The following SV2B variants were observed in gnomAD, a reference collection of about 807,000 sequenced individuals.
The protein encoded by SV2B is solute carrier family 22 member B2.
Under a neutral mutation model 73.9 loss-of-function variants are expected in SV2B, and 41 were observed. The observed-to-expected ratio is 0.56, with a 90% CI of 0.43 to 0.72. SV2B has a LOEUF of 0.72. Among genes scored for constraint, SV2B ranks in the 30% least tolerant of loss-of-function variants. The pLI, the probability that SV2B is intolerant of heterozygous loss-of-function variation, is 0.00. For missense variants in SV2B, 764 were observed against 857.8 expected, an observed-to-expected ratio of 0.89 and a Z score of 1.37; for synonymous variants, 314 against 314.2, an observed-to-expected ratio of 1.00 and a Z score of 0.01.
chr15:91,156,888 G>A (rs1169499494), intron 1 of SV2B, among the ~76,000 whole-genome samples: 1 of 152,182 alleles, frequency 6.6e-6, no homozygotes, highest in Non-Finnish European at 1.5e-5. Flanking sequence ...TTTGTGGGCT[G>A]CTAATTGCAA....
Position 91,239,731 on chromosome 15 carries a change from C to T in SV2B, c.452-12088C>T, listed in dbSNP as rs759681569. Among the ~76,000 whole-genome samples the T allele has an allele frequency of 1.2e-4, 19 of 152,160 alleles. No individual in the cohort carries two copies. The highest frequency in any genetic ancestry group is 2.1e-4 in the Non-Finnish European group (14 of 68,022). On this transcript the variant is annotated intron_variant, in intron 2 of 12. Coordinates refer to ENST00000394232, the MANE Select transcript of SV2B (RefSeq NM_001323032.3). The surrounding 1 kb of genome is among the most constrained non-coding windows in gnomAD (Gnocchi z 5.1). The stretch of plus-strand genomic sequence containing the variant: ...TGCATTTGGCTTCTGGTAACAATAG[C>T]TTTGAATCATAAAGATACTCATTAT...
At chr15:91,256,054 C>T (rs907460308) in intron 4 of SV2B, among the ~76,000 whole-genome samples, 1 of 151,932 alleles carries the variant, frequency 6.6e-6, no homozygotes, top group African/African-American at 2.4e-5. Context: ...AAGAAAATTA[C>T]AAAGCTCAGA....
chr15:91,146,634 G>A (rs185677008), intron 1 of SV2B, among the ~76,000 whole-genome samples: 612 of 152,242 alleles, frequency 4.0e-3, no homozygotes, highest in Non-Finnish European at 6.7e-3. Context: ...AGTAGTATTT[G>A]TAGTTTTCCT....
intron 1 of SV2B, among the ~76,000 whole-genome samples, chr15:91,195,200 C>T (rs2045201346): frequency 6.6e-6 from 1 of 152,164 alleles, no homozygotes; most frequent in African/African-American, 2.4e-5. Flanking sequence ...CTCTGTTACC[C>T]AGGCTGGGGT....
chr15:91,142,188 C>T (rs1158701869), intron 1 of SV2B, among the ~76,000 whole-genome samples: 1 of 152,172 alleles, frequency 6.6e-6, no homozygotes, highest in Non-Finnish European at 1.5e-5. Flanking sequence ...GTTGCGTGCC[C>T]ACAGCCTTGC....
chr15:91,117,256 A>G (rs2042206817), intron 1 of SV2B, among the ~76,000 whole-genome samples: 1 of 152,188 alleles, frequency 6.6e-6, no homozygotes, highest in African/African-American at 2.4e-5. Context: ...TCTGCACCTC[A>G]GTTTCCTAAC....
At chr15:91,235,014 G>T (rs2046724831) in intron 2 of SV2B, among the ~76,000 whole-genome samples, 2 of 152,186 alleles carry the variant, frequency 1.3e-5, no homozygotes, top group South Asian at 4.1e-4. Context: ...AGCTTGTTCT[G>T]TGGTTTTCCC....
At chr15:91,159,665 A>G (rs2141245303) in intron 1 of SV2B, among the ~76,000 whole-genome samples, 1 of 152,354 alleles carries the variant, frequency 6.6e-6, no homozygotes, top group East Asian at 1.9e-4. Context: ...ACTTGTTATC[A>G]TGGCATCATT....
In SV2B at chr15:91,234,194, A is replaced by C. The variant is rs2046692583; in HGVS notation, c.451+7480A>C. On this transcript the variant is annotated intron_variant, in intron 2 of 12. Transcript: ENST00000394232. This position sits in a 1 kb window ranked among gnomAD's most constrained non-coding sequence, Gnocchi z 5.6. ...GATTGAAAGGCCTAGGAATATTTGC[A>C]TGTTAGAGCGGATTTTTCATTTCAG... is the stretch of plus-strand genomic sequence containing the variant. 1.3e-5 allele frequency among the ~76,000 whole-genome samples: 2 copies of C among 152,218 alleles called. No individual in the cohort carries two copies. The highest frequency in any genetic ancestry group is 1.3e-4 in the Admixed American group (2 of 15,282).
intron 1 of SV2B, among the ~76,000 whole-genome samples, chr15:91,120,569 TTTGGGAGGCTGAGGCAGGCA>T: frequency 6.6e-6 from 1 of 151,932 alleles, no homozygotes; most frequent in East Asian, 1.9e-4. Flanking sequence ...ATCTCAGCAG[TTTGGGAGGCTGAGGCAGGCA>T]GATCCCTTGA....
rs2047790287 is a variant in SV2B at position 91,258,616 on chromosome 15, C to T, written c.918+62C>T. ...AAACAGCCACAGGAACCCAGCCTCG[C>T]TTCCTTCTCTCAGCTCCTAGTCCCA... On this transcript the variant is annotated intron_variant, in intron 5 of 12. Coordinates refer to ENST00000394232, the MANE Select transcript of SV2B (RefSeq NM_001323032.3). The surrounding 1 kb of genome is among the most constrained non-coding windows in gnomAD (Gnocchi z 4.7). 1.9e-6 allele frequency: 3 copies of T among 1,606,218 alleles called. No individual in the cohort carries two copies. Among genetic ancestry groups the T allele is most frequent in the South Asian group, 1.1e-5 (1 of 89,678 alleles).
At chr15:91,176,213 A>G (rs1161701507) in intron 1 of SV2B, among the ~76,000 whole-genome samples, 1 of 152,226 alleles carries the variant, frequency 6.6e-6, no homozygotes, top group Non-Finnish European at 1.5e-5. Context: ...TACAAAGGAC[A>G]TGAACTCATC....
Position 91,118,839 on chromosome 15 carries a change from C to T in SV2B, c.-392+18476C>T, listed in dbSNP as rs2042248904. Among the ~76,000 whole-genome samples, 1 of 152,224 alleles carries T rather than the reference C, an allele frequency of 6.6e-6. No individual in the cohort carries two copies. Among genetic ancestry groups the T allele is most frequent in the South Asian group, 2.1e-4 (1 of 4,822 alleles). The stretch of plus-strand genomic sequence containing the variant: ...GTTTGAATGAACAAAATTAATCTGC[C>T]TCCTTCCTCCATTTCTGGTTCCTCT... On this transcript the variant is annotated intron_variant, in intron 1 of 12. Transcript: ENST00000394232. The surrounding 1 kb of genome is among the most constrained non-coding windows in gnomAD (Gnocchi z 4.7).
chr15:91,190,704 T>C (rs1255448475), intron 1 of SV2B, among the ~76,000 whole-genome samples: 1 of 152,222 alleles, frequency 6.6e-6, no homozygotes, highest in Non-Finnish European at 1.5e-5. Flanking sequence ...TCTGGTACAT[T>C]GTAGGATTTT....
intron 1 of SV2B, among the ~76,000 whole-genome samples, chr15:91,172,216 C>G (rs532990504): frequency 3.3e-5 from 5 of 152,222 alleles, no homozygotes; most frequent in South Asian, 2.1e-4. Context: ...TTCTCCTCCC[C>G]CTCTGCATCC....
chr15:91,159,521 T>A (rs570290897), intron 1 of SV2B, among the ~76,000 whole-genome samples: 1 of 152,278 alleles, frequency 6.6e-6, no homozygotes, highest in East Asian at 1.9e-4. Flanking sequence ...CAATGATTTT[T>A]GATAAAAACA....
intron 9 of SV2B, among the ~76,000 whole-genome samples, chr15:91,272,924 C>T (rs536703704): frequency 6.6e-6 from 1 of 150,602 alleles, no homozygotes; most frequent in East Asian, 2.0e-4. Context: ...TCTCCGCCTC[C>T]CAGGTTCAAG....
In SV2B at chr15:91,121,521, C is replaced by T. The variant is rs1255255104; in HGVS notation, c.-392+21158C>T. 1.3e-5 allele frequency among the ~76,000 whole-genome samples: 2 copies of T among 151,876 alleles called. No homozygotes were observed. Among genetic ancestry groups the T allele is most frequent in the Non-Finnish European group, 2.9e-5 (2 of 67,990 alleles). ...TCTTTTTCTTTCATGTCTATTATGT[C>T]ATTATTTTTTACCTTTTTATATTTT... On this transcript the variant is annotated intron_variant, in intron 1 of 12. Transcript: ENST00000394232. The surrounding 1 kb of genome is among the most constrained non-coding windows in gnomAD (Gnocchi z 4.4).
chr15:91,194,710 A>G (rs1297970936), intron 1 of SV2B, among the ~76,000 whole-genome samples: 1 of 152,216 alleles, frequency 6.6e-6, no homozygotes, highest in Non-Finnish European at 1.5e-5. Context: ...CAACTCACTG[A>G]CTTCAACGGA....
Sources: allele counts gnomAD v4.1 joint callset (sites outside exome capture counted in the v4.1 genomes callset), GRCh38; gene constraint gnomAD v4.1.1; non-coding constraint Gnocchi (gnomAD v3.1); transcripts MANE v1.5; gene names NCBI Gene and HGNC (gene_info 2026-07-23, HGNC 2026-07-21).